ELAVL2: variants seen among roughly 807,000 people sequenced by gnomAD.
The protein encoded by ELAVL2 is ELAV like RNA binding protein 2.
ELAVL2 carries 4 observed loss-of-function variants against 34.6 expected under a neutral mutation model. The ratio of observed to expected loss-of-function variants is 0.12; its 90% CI spans 0.06 to 0.26. The LOEUF (loss-of-function observed/expected upper bound fraction) is 0.26. Ranked by LOEUF, ELAVL2 falls within the 10% of genes least tolerant of loss-of-function variation. The probability of loss-of-function intolerance (pLI) is 1.00; values close to 1 mark genes in which losing one functional copy is unlikely to be tolerated. For synonymous variants in ELAVL2, 193 were observed against 154.8 expected (o/e 1.25, Z -1.83); for missense variants, 432 against 442.8 (o/e 0.98, Z 0.22).
chr9:23,837,572 A>G, the ELAVL2 span, among the ~76,000 whole-genome samples: 2 of 152,194 alleles, frequency 1.3e-5, no homozygotes, highest in Non-Finnish European at 2.9e-5. Flanking sequence ...GCCCAAGATA[A>G]CACAGCTAGA....
intron 1 of ELAVL2, chr9:23,779,478 C>T (rs2058738708): frequency 6.6e-6 from 6 of 905,920 alleles, no homozygotes; most frequent in South Asian, 1.0e-4. Context: ...GGGCTTCCTT[C>T]TGGCTTCCTT....
chr9:23,760,117 C>A (rs1421343096), intron 2 of ELAVL2, among the ~76,000 whole-genome samples: 1 of 151,792 alleles, frequency 6.6e-6, no homozygotes, highest in Non-Finnish European at 1.5e-5. Flanking sequence ...TCAAATTTAT[C>A]CCATTTTGCC....
chr9:23,746,077 A>T (rs1435191836), intron 2 of ELAVL2, among the ~76,000 whole-genome samples: 1 of 152,168 alleles, frequency 6.6e-6, no homozygotes, highest in Admixed American at 6.6e-5. Flanking sequence ...TCAAAATTAA[A>T]TTCAAACTTT....
At chr9:23,788,166 G>C (rs2137095978) in intron 1 of ELAVL2, among the ~76,000 whole-genome samples, 1 of 152,286 alleles carries the variant, frequency 6.6e-6, no homozygotes, top group African/African-American at 2.4e-5. Context: ...AAAAATAACA[G>C]TTGACTAACC....
chr9:23,788,306 C>G (rs987449198), intron 1 of ELAVL2, among the ~76,000 whole-genome samples: 4 of 152,148 alleles, frequency 2.6e-5, no homozygotes, highest in Admixed American at 1.3e-4. Flanking sequence ...ATTTGCCATC[C>G]TAAGTCTTGA....
At chr9:23,811,936 G>A (rs1412528312) in intron 1 of ELAVL2, among the ~76,000 whole-genome samples, 1 of 152,074 alleles carries the variant, frequency 6.6e-6, no homozygotes, top group Non-Finnish European at 1.5e-5. Flanking sequence ...GAACGGGGGA[G>A]GGAAATAAGA....
chr9:23,698,457 G>T (rs970056346), intron 5 of ELAVL2, among the ~76,000 whole-genome samples: 2 of 152,048 alleles, frequency 1.3e-5, no homozygotes, highest in Admixed American at 6.6e-5. Flanking sequence ...GACCATAAAA[G>T]ATATGGCTCA....
chr9:23,782,760 G>C (rs979440762), intron 1 of ELAVL2, among the ~76,000 whole-genome samples: 1 of 152,106 alleles, frequency 6.6e-6, no homozygotes, highest in South Asian at 2.1e-4. Flanking sequence ...CCAATGAGGC[G>C]ATTCTACCTG....
chr9:23,755,875 C>G (rs1272926616), intron 2 of ELAVL2, among the ~76,000 whole-genome samples: 1 of 152,166 alleles, frequency 6.6e-6, no homozygotes. Context: ...AATTCTTGAT[C>G]TCTTGATACT....
chr9:23,726,421 G>A (rs776206388), intron 3 of ELAVL2, among the ~76,000 whole-genome samples: 9 of 151,920 alleles, frequency 5.9e-5, no homozygotes, highest in East Asian at 1.9e-4. Context: ...GACCAAAATC[G>A]GGCAGTTTTT....
chr9:23,843,322 A>G, the ELAVL2 span, among the ~76,000 whole-genome samples: 4 of 152,252 alleles, frequency 2.6e-5, no homozygotes, highest in East Asian at 7.7e-4. Context: ...CCAGGAGAGA[A>G]TCCCAGAGGG....
At chr9:23,775,860 A>T (rs1235634144) in intron 1 of ELAVL2, among the ~76,000 whole-genome samples, 1 of 152,168 alleles carries the variant, frequency 6.6e-6, no homozygotes, top group Non-Finnish European at 1.5e-5. Flanking sequence ...AAACATCCTC[A>T]GCACCGGAAG....
At chr9:23,778,698 G>A (rs566235874) in intron 1 of ELAVL2, among the ~76,000 whole-genome samples, 16 of 152,240 alleles carry the variant, frequency 1.1e-4, no homozygotes, top group African/African-American at 3.6e-4. Flanking sequence ...GGGGGAGGGA[G>A]GGGGTTTTCC....
intron 2 of ELAVL2, among the ~76,000 whole-genome samples, chr9:23,757,966 G>A (rs1167864302): frequency 2.6e-5 from 4 of 152,036 alleles, no homozygotes; most frequent in East Asian, 3.9e-4. Context: ...ATAGTTTCCT[G>A]ATTCAGCATT....
chr9:23,760,597 A>G (rs948272749), intron 2 of ELAVL2, among the ~76,000 whole-genome samples: 3 of 152,090 alleles, frequency 2.0e-5, no homozygotes, highest in African/African-American at 7.2e-5. Context: ...TAAAAACACT[A>G]TAAATTTCAC....
chr9:23,736,791 T>C (rs374423604), intron 2 of ELAVL2, among the ~76,000 whole-genome samples: 11 of 152,148 alleles, frequency 7.2e-5, no homozygotes, highest in African/African-American at 2.7e-4. Context: ...CACCAAAACA[T>C]TGTCCAGGAG....
chr9:23,821,952 G>T (rs1284594995), intron 1 of ELAVL2: 1 of 151,316 alleles, frequency 6.6e-6, no homozygotes, highest in Non-Finnish European at 1.5e-5. Flanking sequence ...CTGCCCGACC[G>T]CCCTTCGGGT....
At chr9:23,773,625 C>T (rs1395153611) in intron 1 of ELAVL2, among the ~76,000 whole-genome samples, 1 of 152,060 alleles carries the variant, frequency 6.6e-6, no homozygotes, top group Non-Finnish European at 1.5e-5. Flanking sequence ...AACATCTATC[C>T]CCCACAGGCT....
chr9:23,822,585 C>G (rs542777911), intron 1 of ELAVL2, among the ~76,000 whole-genome samples: 2 of 152,328 alleles, frequency 1.3e-5, no homozygotes, highest in African/African-American at 4.8e-5. Flanking sequence ...GTCCTCAGAC[C>G]CGGCCCCACG....
Sources: allele counts gnomAD v4.1 joint callset (sites outside exome capture counted in the v4.1 genomes callset), GRCh38; gene constraint gnomAD v4.1.1; transcripts MANE v1.5; gene names NCBI Gene and HGNC (gene_info 2026-07-23, HGNC 2026-07-21).